TMEM266: variants seen among roughly 807,000 people sequenced by gnomAD.
TMEM266 encodes transmembrane protein 266.
In TMEM266, 33 loss-of-function variants were observed where a neutral mutation model predicts 50.5. The observed-to-expected ratio is 0.65, with a 90% CI of 0.50 to 0.87. The LOEUF is 0.87. Ranked by LOEUF, TMEM266 falls within the 40% of genes least tolerant of loss-of-function variation. The probability of loss-of-function intolerance (pLI) is 0.00; values close to 1 mark genes in which losing one functional copy is unlikely to be tolerated. For synonymous variants in TMEM266, 310 were observed against 292.3 expected (o/e 1.06, Z -0.62); for missense variants, 655 against 695.1 (o/e 0.94, Z 0.65).
chr15:76,170,002 C>T, intron 6 of TMEM266, 130 bp downstream of exon 6: 2 of 859,644 alleles, frequency 2.3e-6, no homozygotes, highest in Non-Finnish European at 3.7e-6. Context: ...ACCTCTGTGG[C>T]TGTGCATGTT....
intron 1 of TMEM266, among the ~76,000 whole-genome samples, chr15:76,071,015 G>T (rs955026255): frequency 1.3e-5 from 2 of 152,192 alleles, no homozygotes; most frequent in Admixed American, 6.5e-5. Context: ...AGTCTGGTTT[G>T]TCCCGGGGAA....
At position 76,139,510 on chromosome 15, in the gene TMEM266, A is replaced by G. The variant is rs2142033361; in HGVS notation, c.227+1615A>G. Among the ~76,000 whole-genome samples the G allele has an allele frequency of 6.6e-6, 1 of 152,312 alleles. No homozygotes were observed. The highest frequency in any genetic ancestry group is 2.1e-4 in the South Asian group (1 of 4,830). On this transcript the variant is annotated intron_variant, in intron 3 of 10. Transcript: ENST00000388942. This position sits in a 1 kb window ranked among gnomAD's most constrained non-coding sequence, Gnocchi z 4.1. ...GCACATGTGACCTGTGCGGTAGCGC[A>G]GAGCCCCGTACTTAGAAGGGTCCCA...
intron 5 of TMEM266, among the ~76,000 whole-genome samples, chr15:76,162,350 T>C (rs1393148089): frequency 6.6e-6 from 1 of 152,162 alleles, no homozygotes; most frequent in African/African-American, 2.4e-5. Context: ...CACACCACAC[T>C]AGCAAGCACA....
rs1353512983 is a variant in TMEM266, at chr15:76,134,292, C to T, written c.29C>T (p.Thr10Ile). 1 of 1,613,760 alleles carries T rather than the reference C, an allele frequency of 6.2e-7. No homozygotes were observed. Among genetic ancestry groups the T allele is most frequent in the East Asian group, 2.2e-5 (1 of 44,892 alleles). Residue 10 changes from threonine to isoleucine, a missense_variant, in exon 2 of 11, where the codon ACC becomes ATC. This residue lies in a region of TMEM266 where 99 missense variants were observed against 110.8 expected (regional missense o/e 0.89). Coordinates refer to ENST00000388942, the MANE Select transcript of TMEM266 (RefSeq NM_152335.3). Reference sequence around the variant, plus strand: ...GCTGTGGCTCCATCTTTCAACATGACCAATCCACAGTAAGTAATGCTGGGA... The same window carrying T: ...GCTGTGGCTCCATCTTTCAACATGATCAATCCACAGTAAGTAATGCTGGGA...
chr15:76,143,884 C>T (rs2037717883), intron 3 of TMEM266, among the ~76,000 whole-genome samples: 1 of 152,182 alleles, frequency 6.6e-6, no homozygotes, highest in Admixed American at 6.5e-5. Context: ...AGGTCTCTCT[C>T]TCTCTCTAAC....
chr15:76,161,746 G>A lies in TMEM266; in HGVS notation c.456+1578G>A, dbSNP rs144982081. 9.2e-5 allele frequency among the ~76,000 whole-genome samples: 14 copies of A among 152,290 alleles called. No individual in the cohort carries two copies. The East Asian group carries it at 2.7e-3, about 29-fold the overall frequency. ...CCTGGAGGTGCCTCTGCCCCGCAGA[G>A]CAGAGTGCCTGCTCCCCAGCTTACA... On this transcript the variant is annotated intron_variant, in intron 5 of 10. Coordinates refer to ENST00000388942, the MANE Select transcript of TMEM266 (RefSeq NM_152335.3). The surrounding 1 kb of genome is among the most constrained non-coding windows in gnomAD (Gnocchi z 4.1).
rs1210794709 is a variant in TMEM266 at position 76,139,183 on chromosome 15, T to C, written c.227+1288T>C. On this transcript the variant is annotated intron_variant, in intron 3 of 10. Transcript: ENST00000388942. The surrounding 1 kb of genome is among the most constrained non-coding windows in gnomAD (Gnocchi z 4.1). ...TAGCTCAAGCTAAATTTGCAGAGCT[T>C]GGATTCCCTGGGCTTGTTTCTGGAA... is the stretch of plus-strand genomic sequence containing the variant. Among the ~76,000 whole-genome samples, 2 of 152,234 alleles carry C rather than the reference T, an allele frequency of 1.3e-5. No individual in the cohort carries two copies.
intron 3 of TMEM266, among the ~76,000 whole-genome samples, chr15:76,147,071 T>A (rs962510830): frequency 3.3e-5 from 5 of 152,096 alleles, no homozygotes; most frequent in Non-Finnish European, 7.4e-5. Context: ...GAAGCCCAGT[T>A]CTGTTTGGAG....
chr15:76,203,055 C>T (rs2038774572), intron 10 of TMEM266, among the ~76,000 whole-genome samples: 1 of 152,164 alleles, frequency 6.6e-6, no homozygotes. Context: ...AACCTCCCCA[C>T]CCTGCACCCT....
intron 1 of TMEM266, among the ~76,000 whole-genome samples, chr15:76,125,845 G>GT (rs1345977488): frequency 7.9e-6 from 1 of 126,386 alleles, no homozygotes; most frequent in Non-Finnish European, 1.6e-5. Flanking sequence ...GAGACTCCAT[G>GT]TAAAAAAAAA....
rs561680332 is a variant in TMEM266 at position 76,175,827 on chromosome 15, A to G, written c.768+153A>G. The G allele has an allele frequency of 4.7e-4, 281 of 601,492 alleles. 1 individual carries two copies. The highest frequency in any genetic ancestry group is 4.5e-3 in the African/African-American group (240 of 53,850). 37.3% of individuals were successfully genotyped at this position (601,492 alleles called of 1,614,324 possible). ...TCATGGGGAACCTGAAGCCCAGAGA[A>G]GGGGACACATCTCCAGGTTCACTGA... On this transcript the variant is annotated intron_variant, in intron 8 of 10. Coordinates refer to ENST00000388942, the MANE Select transcript of TMEM266 (RefSeq NM_152335.3).
At chr15:76,086,378 C>T (rs1472740074) in intron 1 of TMEM266, among the ~76,000 whole-genome samples, 1 of 152,192 alleles carries the variant, frequency 6.6e-6, no homozygotes, top group Non-Finnish European at 1.5e-5. Flanking sequence ...AGAGGCTTAA[C>T]TGCAAAGTCA....
At chr15:76,124,124 G>T (rs1240806731) in intron 1 of TMEM266, among the ~76,000 whole-genome samples, 1 of 152,222 alleles carries the variant, frequency 6.6e-6, no homozygotes, top group African/African-American at 2.4e-5. Context: ...TGCCCAGGGA[G>T]ACATCAGGAA....
At chr15:76,195,480 T>G (rs1450546373) in intron 9 of TMEM266, among the ~76,000 whole-genome samples, 1 of 152,242 alleles carries the variant, frequency 6.6e-6, no homozygotes, top group East Asian at 1.9e-4. Context: ...ACCTTCTTAT[T>G]CTTTTTGAAA....
chr15:76,069,497 C>G (rs770326845), intron 1 of TMEM266, among the ~76,000 whole-genome samples: 1 of 152,088 alleles, frequency 6.6e-6, no homozygotes, highest in South Asian at 2.1e-4. Context: ...AGGTACCAAC[C>G]AGAGTCTCTG....
At chr15:76,061,956 C>G (rs1042913022) in intron 1 of TMEM266, among the ~76,000 whole-genome samples, 1 of 152,150 alleles carries the variant, frequency 6.6e-6, no homozygotes, top group African/African-American at 2.4e-5. Context: ...AATCCAGTCT[C>G]TCTATGATTG....
chr15:76,173,359 G>A (rs998544507), intron 7 of TMEM266, among the ~76,000 whole-genome samples: 2 of 152,150 alleles, frequency 1.3e-5, no homozygotes, highest in African/African-American at 4.8e-5. Flanking sequence ...GTCAGGAAGG[G>A]CTGGGTTTCG....
chr15:76,118,759 TG>T (rs1400750555), intron 1 of TMEM266, among the ~76,000 whole-genome samples: 1 of 152,176 alleles, frequency 6.6e-6, no homozygotes, highest in African/African-American at 2.4e-5. Context: ...GAAGAAATGA[TG>T]TTGGTTAGAA....
Position 76,175,564 on chromosome 15 carries a change from G to A in TMEM266, c.658G>A (p.Val220Ile), listed in dbSNP as rs373335165. 19 of 1,613,594 alleles carry A rather than the reference G, an allele frequency of 1.2e-5. No homozygotes were observed. Among genetic ancestry groups the A allele is most frequent in the South Asian group, 2.2e-5 (2 of 91,004 alleles). The change falls in exon 8 of 11, where the codon GTC (valine) becomes ATC (isoleucine). Residue 220 changes from valine to isoleucine, a missense_variant. This residue lies in a region of TMEM266 where 101 missense variants were observed against 182.6 expected (regional missense o/e 0.55). Coordinates refer to ENST00000388942, the MANE Select transcript of TMEM266 (RefSeq NM_152335.3). ...GGGCTGTCTCTGTCTTCCAGCCTACGTCCTGCCAGTGAAGCTGGAGATGGA... is the reference window on the plus strand; with the variant it reads ...GGGCTGTCTCTGTCTTCCAGCCTACATCCTGCCAGTGAAGCTGGAGATGGA...
Sources: allele counts gnomAD v4.1 joint callset (sites outside exome capture counted in the v4.1 genomes callset), GRCh38; gene constraint gnomAD v4.1.1; regional missense constraint gnomAD v4.1.1; non-coding constraint Gnocchi (gnomAD v3.1); transcripts MANE v1.5; gene names NCBI Gene and HGNC (gene_info 2026-07-23, HGNC 2026-07-21).